RARS2: variants seen among roughly 807,000 people sequenced by gnomAD.
RARS2 encodes arginyl-tRNA synthetase 2, mitochondrial.
In RARS2, 67 loss-of-function variants were observed where a neutral mutation model predicts 88.5. That is an observed-to-expected ratio of 0.76 (90% CI 0.62 to 0.93). The LOEUF is 0.93. Among genes scored for constraint, RARS2 ranks in the 40% least tolerant of loss-of-function variants. The pLI is 0.00. For missense variants in RARS2, 664 were observed against 684.2 expected, an observed-to-expected ratio of 0.97 and a Z score of 0.33; for synonymous variants, 239 against 230.3, an observed-to-expected ratio of 1.04 and a Z score of -0.34.
intron 4 of RARS2, among the ~76,000 whole-genome samples, chr6:87,555,901 C>T (rs576060480): frequency 1.3e-5 from 2 of 152,350 alleles, no homozygotes; most frequent in Non-Finnish European, 2.9e-5. Context: ...AGCCACTGTT[C>T]CAAGCATTTT....
chr6:87,524,714 T>G, intron 10 of RARS2, 62 bp from the exon 11 acceptor site: 1 of 1,207,710 alleles, frequency 8.3e-7, no homozygotes, highest in Non-Finnish European at 1.2e-6. Context: ...AAAATTTTAA[T>G]ATCTAAAACA....
intron 5 of RARS2, 42 bp from the exon 6 acceptor site, chr6:87,548,688 A>C (rs529994863): frequency 6.4e-6 from 10 of 1,564,060 alleles, no homozygotes; most frequent in Non-Finnish European, 8.8e-6. Flanking sequence ...CTAAGACTTA[A>C]GACTTCTAAG....
At chr6:87,514,537 T>A in intron 19 of RARS2, 38 bp from the exon 20 acceptor site, 1 of 1,491,168 alleles carries the variant, frequency 6.7e-7, no homozygotes, top group African/African-American at 1.4e-5. Context: ...AAATATTCAG[T>A]AACAGGAATG....
chr6:87,546,802 A>T (rs1201070922), intron 6 of RARS2, among the ~76,000 whole-genome samples: 1 of 152,194 alleles, frequency 6.6e-6, no homozygotes, highest in Non-Finnish European at 1.5e-5. Context: ...CCTGACTTAA[A>T]CTACTGCAGC....
chr6:87,518,116 T>G, intron 17 of RARS2, 53 bp downstream of exon 17: 2 of 1,613,820 alleles, frequency 1.2e-6, no homozygotes, highest in Admixed American at 1.7e-5. Context: ...AAAATGCTAA[T>G]AGCCATTTTG....
At chr6:87,537,867 T>TAGAAA (rs1328506020) in intron 8 of RARS2, among the ~76,000 whole-genome samples, 1 of 152,200 alleles carries the variant, frequency 6.6e-6, no homozygotes, top group East Asian at 1.9e-4. Context: ...GTCACCTTTC[T>TAGAAA]GGTGACCAGA....
chr6:87,530,982 G>A, intron 8 of RARS2, 40 bp from the exon 9 acceptor site: 2 of 1,611,078 alleles, frequency 1.2e-6, no homozygotes, highest in Non-Finnish European at 1.7e-6. Flanking sequence ...TACATAACAG[G>A]TCATTGTTAT....
At position 87,529,577 on chromosome 6, in the gene RARS2, C is replaced by CTTTAAGACCTCTTGAGA. The variant is rs1360901964; in HGVS notation, c.826_842dup (p.Lys281AsnfsTer6). ...GTAGGAGTCCTTTACTCTCCAGCAA[C>CTTTAAGACCTCTTGAGA]TTTAAGACCTCTTGAGATTTTTCAC... is the stretch of plus-strand genomic sequence containing the variant. On this transcript the variant is annotated stop_gained and frameshift_variant, in exon 10 of 20. Coordinates refer to ENST00000369536, the MANE Select transcript of RARS2 (RefSeq NM_020320.5). LOFTEE classifies it high-confidence loss of function. 1 of 1,606,188 alleles carries CTTTAAGACCTCTTGAGA rather than the reference C, an allele frequency of 6.2e-7. No individual in the cohort carries two copies. The highest frequency in any genetic ancestry group is 1.1e-5 in the South Asian group (1 of 90,906).
intron 11 of RARS2, among the ~76,000 whole-genome samples, chr6:87,524,255 C>T (rs1448896628): frequency 6.6e-6 from 1 of 152,164 alleles, no homozygotes; most frequent in Non-Finnish European, 1.5e-5. Flanking sequence ...TGTGACATGG[C>T]TGCTTTCTCC....
chr6:87,521,216 T>C (rs1018047445), intron 12 of RARS2, among the ~76,000 whole-genome samples: 1 of 152,246 alleles, frequency 6.6e-6, no homozygotes, highest in Admixed American at 6.5e-5. Flanking sequence ...CTTGGTATTA[T>C]AGTGACCTGT....
chr6:87,579,574 T>C (rs1275740106), intron 1 of RARS2, among the ~76,000 whole-genome samples: 1 of 151,948 alleles, frequency 6.6e-6, no homozygotes, highest in Non-Finnish European at 1.5e-5. Flanking sequence ...GAGAGAGCAG[T>C]TGCCTCCCAT....
chr6:87,569,541 G>C lies in RARS2; in HGVS notation c.86C>G (p.Ser29Cys). Residue 29 changes from serine to cysteine, a missense_variant, in exon 2 of 20, where the codon TCT (serine) becomes TGT (cysteine). By Grantham distance (112) the Ser-to-Cys change is moderately radical. Coordinates refer to ENST00000369536, the MANE Select transcript of RARS2 (RefSeq NM_020320.5). ...CTCTTTTTGGGAAATTGGAACTGCAGATATTGATGTGATCAAGTTTTCTGG... is the reference window on the plus strand; with the variant it reads ...CTCTTTTTGGGAAATTGGAACTGCACATATTGATGTGATCAAGTTTTCTGG... ...LPPENLITSI[S>C]AVPISQKEEV... 1 of 1,604,660 alleles carries C rather than the reference G, an allele frequency of 6.2e-7. No individual in the cohort carries two copies. The highest frequency in any genetic ancestry group is 1.1e-5 in the South Asian group (1 of 90,860).
intron 8 of RARS2, among the ~76,000 whole-genome samples, chr6:87,534,675 G>A (rs1324205482): frequency 6.6e-6 from 1 of 152,152 alleles, no homozygotes; most frequent in East Asian, 1.9e-4. Context: ...TGTTGGGAAG[G>A]GACAGCAGGG....
At chr6:87,556,355 G>A (rs1785877119) in intron 4 of RARS2, among the ~76,000 whole-genome samples, 1 of 152,028 alleles carries the variant, frequency 6.6e-6, no homozygotes, top group Non-Finnish European at 1.5e-5. Context: ...CTCCCAGGCT[G>A]AGTGCAGTGG....
intron 11 of RARS2, among the ~76,000 whole-genome samples, chr6:87,522,652 G>T (rs1460831129): frequency 1.3e-5 from 2 of 152,124 alleles, no homozygotes; most frequent in Admixed American, 6.5e-5. Context: ...GGCAAAAACT[G>T]GCTAATTTTT....
intron 18 of RARS2, 119 bp from the exon 19 acceptor site, chr6:87,515,139 T>C: frequency 1.2e-6 from 1 of 827,544 alleles, no homozygotes; most frequent in Non-Finnish European, 2.1e-6. Flanking sequence ...TTAAAGGATG[T>C]ATTCAAAATT....
rs894361767 is a variant in RARS2, at chr6:87,554,907, C to G, written c.395+501G>C. Among the ~76,000 whole-genome samples, 3 of 151,974 alleles carry G rather than the reference C, an allele frequency of 2.0e-5. No individual in the cohort carries two copies. In the South Asian group the frequency reaches 6.2e-4, roughly 32 times the overall value. On this transcript the variant is annotated intron_variant, in intron 5 of 19. Transcript: ENST00000369536. Reference sequence around the variant, plus strand: ...CACGAGGTCAGGAGATGGAGACCATCCTGGCTAACACAGTGAAACCCTGTC... The same window carrying G: ...CACGAGGTCAGGAGATGGAGACCATGCTGGCTAACACAGTGAAACCCTGTC...
intron 8 of RARS2, among the ~76,000 whole-genome samples, chr6:87,534,473 A>T (rs1307867282): frequency 6.6e-6 from 1 of 152,212 alleles, no homozygotes. Flanking sequence ...CACCTAATAA[A>T]TGTTAACATT....
intron 7 of RARS2, among the ~76,000 whole-genome samples, chr6:87,542,843 T>C (rs1781433217): frequency 2.0e-5 from 3 of 151,268 alleles, no homozygotes; most frequent in Admixed American, 6.6e-5. Flanking sequence ...AGGGATAGCA[T>C]TAGGAGATAT....
Sources: allele counts gnomAD v4.1 joint callset (sites outside exome capture counted in the v4.1 genomes callset), GRCh38; gene constraint gnomAD v4.1.1; transcripts MANE v1.5; gene names NCBI Gene and HGNC (gene_info 2026-07-23, HGNC 2026-07-21).